Variants in AQR observed in about 807,000 individuals in gnomAD.
The protein encoded by AQR is RNA helicase aquarius.
A neutral mutation model predicts 180.5 loss-of-function variants in AQR; 61 were observed. That is an observed-to-expected ratio of 0.34 (90% CI 0.28 to 0.42). AQR has a LOEUF of 0.42. Among genes scored for constraint, AQR ranks in the 10% least tolerant of loss-of-function variants. The pLI is 1.00. For synonymous variants in AQR, 551 were observed against 588.8 expected (o/e 0.94, Z 0.93); for missense variants, 1,281 against 1,798.3 (o/e 0.71, Z 5.20).
At chr15:34,871,208 T>C (rs1892811487) in intron 30 of AQR, among the ~76,000 whole-genome samples, 2 of 152,084 alleles carry the variant, frequency 1.3e-5, no homozygotes, top group African/African-American at 2.4e-5. Context: ...AATCACAATA[T>C]AGATTAATAC....
chr15:34,914,808 C>T (rs1035134806), intron 16 of AQR, among the ~76,000 whole-genome samples: 1 of 152,174 alleles, frequency 6.6e-6, no homozygotes, highest in Non-Finnish European at 1.5e-5. Context: ...TCTCCCTTAT[C>T]CCCAGTCTCC....
intron 15 of AQR, 143 bp from the exon 16 acceptor site, chr15:34,915,322 C>T: frequency 3.7e-6 from 3 of 813,952 alleles, no homozygotes; most frequent in Non-Finnish European, 5.4e-6. Context: ...TCCTGAGTAG[C>T]TGGGATTACA....
chr15:34,886,518 T>C lies in AQR; in HGVS notation c.2817+8A>G, dbSNP rs755170642. On this transcript the variant is annotated splice_region_variant and intron_variant, in intron 25 of 34. Coordinates refer to ENST00000156471, the MANE Select transcript of AQR (RefSeq NM_014691.3). ...TGAAGTATGATTCAAAAACCCTTAA[T>C]ATCTTACCTGGTATAAGAAGAAATA... 14 of 1,597,734 alleles carry C rather than the reference T, an allele frequency of 8.8e-6. No individual in the cohort carries two copies. The highest frequency in any genetic ancestry group is 1.2e-5 in the Non-Finnish European group (14 of 1,176,060).
Position 34,904,415 on chromosome 15 carries a change from G to C in AQR, c.1922C>G (p.Thr641Ser), listed in dbSNP as rs750844019. ...CACATCCTCTGCTCCATTTTGTATAGTATTGGTCATATCTTGTTGATACTG... is the reference window on the plus strand; with the variant it reads ...CACATCCTCTGCTCCATTTTGTATACTATTGGTCATATCTTGTTGATACTG... ...PNQYQQDMTNTIQNGAEDVYE... is the reference protein window; with the variant it reads ...PNQYQQDMTNSIQNGAEDVYE... Residue 641 changes from threonine (T) to serine (S), a missense_variant, in exon 19 of 35, where the codon ACT (threonine) becomes AGT (serine). Physicochemically the swap from Thr to Ser is moderately conservative, Grantham distance 58. Around this residue, in one of 9 missense-constraint regions of AQR, gnomAD observed 200 missense variants for 293.4 expected, o/e 0.68. Transcript: ENST00000156471. The C allele has an allele frequency of 1.9e-6, 3 of 1,610,630 alleles. No homozygotes were observed. The highest frequency in any genetic ancestry group is 2.7e-5 in the African/African-American group (2 of 74,782).
chr15:34,913,789 G>A (rs978354096), intron 16 of AQR, among the ~76,000 whole-genome samples: 1 of 152,122 alleles, frequency 6.6e-6, no homozygotes, highest in South Asian at 2.1e-4. Context: ...CTCCCCTAGG[G>A]TGCAAACAAT....
At position 34,930,229 on chromosome 15, in the gene AQR, A is replaced by G. The variant is rs376173652; in HGVS notation, c.1014+29T>C. ...GCAGTATGATAAAACCTTATGGAGC[A>G]TACACAGTCTATAATGTATTTTAAT... On this transcript the variant is annotated intron_variant, in intron 12 of 34. Coordinates refer to ENST00000156471, the MANE Select transcript of AQR (RefSeq NM_014691.3). 393 of 1,390,988 alleles carry G rather than the reference A, an allele frequency of 2.8e-4. 5 individuals are homozygous for G. In the South Asian group the frequency reaches 4.3e-3, roughly 15 times the overall value. 86.2% of individuals were successfully genotyped at this position (1,390,988 alleles called of 1,614,324 possible).
rs773476613 is a variant in AQR, at chr15:34,940,925, T to G, written c.615A>C (p.Glu205Asp). 6.2e-7 allele frequency: 1 copy of G among 1,609,458 alleles called. No homozygotes were observed. The highest frequency in any genetic ancestry group is 1.1e-5 in the South Asian group (1 of 90,248). Residue 205 changes from glutamate to aspartate, a missense_variant, in exon 8 of 35, where the codon GAA becomes GAC. Around this residue, in one of 9 missense-constraint regions of AQR, gnomAD observed 404 missense variants for 490.9 expected, o/e 0.82. Transcript: ENST00000156471. ...KFWNLIKKND[E>D]KMDPEAREQA... Reference sequence around the variant, plus strand: ...GTTCTCTTGCTTCTGGATCCATCTTTTCATCATTCTTTTTAATCAAGTTCC... The same window carrying G: ...GTTCTCTTGCTTCTGGATCCATCTTGTCATCATTCTTTTTAATCAAGTTCC...
chr15:34,943,273 T>C, intron 6 of AQR: 3 of 1,594,130 alleles, frequency 1.9e-6, no homozygotes, highest in Non-Finnish European at 2.6e-6. Flanking sequence ...ACTACAAAGA[T>C]TGTGCTAAGG....
Position 34,897,559 on chromosome 15 carries a change from C to T in AQR, c.2390G>A (p.Arg797His), listed in dbSNP as rs760966520. 6.2e-7 allele frequency: 1 copy of T among 1,613,684 alleles called. No individual in the cohort carries two copies. The highest frequency in any genetic ancestry group is 8.5e-7 in the Non-Finnish European group (1 of 1,179,802). ...RGPYPYNQPK[R>H]NTIQFTHTQI... ...CAATTATAATAGGTAGTAAAATTACCGTTTGGGTTGATTATAAGGATAAGG... is the reference window on the plus strand; with the variant it reads ...CAATTATAATAGGTAGTAAAATTACTGTTTGGGTTGATTATAAGGATAAGG... The change falls in exon 21 of 35, where the codon CGT becomes CAT. Residue 797 changes from arginine to histidine, a missense_variant and splice_region_variant. Coordinates refer to ENST00000156471, the MANE Select transcript of AQR (RefSeq NM_014691.3).
chr15:34,931,384 A>G (rs1893856656), intron 11 of AQR, among the ~76,000 whole-genome samples: 1 of 152,216 alleles, frequency 6.6e-6, no homozygotes, highest in Non-Finnish European at 1.5e-5. Context: ...AAATCACTAG[A>G]CAGAAATTTA....
chr15:34,955,624 T>A (rs770549129), intron 3 of AQR, among the ~76,000 whole-genome samples: 2 of 152,052 alleles, frequency 1.3e-5, no homozygotes, highest in Non-Finnish European at 2.9e-5. Context: ...AGAAGCCAGC[T>A]ACGCCAGGCA....
intron 29 of AQR, 108 bp downstream of exon 29, chr15:34,874,569 C>T: frequency 2.2e-6 from 3 of 1,368,786 alleles, no homozygotes; most frequent in East Asian, 2.4e-5. Context: ...AGCCAAGTTC[C>T]TGGATAGCCA....
At chr15:34,922,352 G>A (rs954912532) in intron 13 of AQR, among the ~76,000 whole-genome samples, 1 of 152,052 alleles carries the variant, frequency 6.6e-6, no homozygotes, top group South Asian at 2.1e-4. Context: ...ATTTTTGTGT[G>A]AACATAAGTT....
chr15:34,923,289 C>T (rs1020366898), intron 13 of AQR, among the ~76,000 whole-genome samples: 1 of 152,114 alleles, frequency 6.6e-6, no homozygotes, highest in East Asian at 1.9e-4. Context: ...TGGAACACAT[C>T]CCCTGCGGAA....
chr15:34,944,265 C>T (rs1368045874), intron 6 of AQR, 23 bp downstream of exon 6: 4 of 1,550,536 alleles, frequency 2.6e-6, no homozygotes, highest in East Asian at 2.4e-5. Context: ...TGAAAATTAC[C>T]CCAAAATATA....
At chr15:34,954,187 G>A (rs1342130464) in intron 3 of AQR, among the ~76,000 whole-genome samples, 3 of 151,336 alleles carry the variant, frequency 2.0e-5, no homozygotes, top group Non-Finnish European at 4.4e-5. Flanking sequence ...AAAATGCTAG[G>A]ATTACAGGCG....
chr15:34,967,377 T>C (rs1163889943), intron 1 of AQR, among the ~76,000 whole-genome samples: 1 of 152,226 alleles, frequency 6.6e-6, no homozygotes, highest in Non-Finnish European at 1.5e-5. Flanking sequence ...ATTTTCCTCA[T>C]AGCATTTATC....
intron 9 of AQR, among the ~76,000 whole-genome samples, chr15:34,935,590 TGTTAA>T (rs1893932423): frequency 1.3e-5 from 2 of 152,166 alleles, no homozygotes; most frequent in Admixed American, 1.3e-4. Context: ...TATACAGAAA[TGTTAA>T]CTGGAACTTT....
At chr15:34,859,010 A>G (rs1420116001) in intron 34 of AQR, among the ~76,000 whole-genome samples, 2 of 152,254 alleles carry the variant, frequency 1.3e-5, no homozygotes, top group African/African-American at 2.4e-5. Context: ...GAGTTAGGCT[A>G]TGTATTTTTA....
Sources: gnomAD v4.1 joint callset for allele counts (sites outside exome capture counted in the v4.1 genomes callset) on GRCh38, gnomAD v4.1.1 for gene constraint, gnomAD v4.1.1 regional missense constraint, MANE v1.5 for transcripts, NCBI Gene and HGNC (gene_info 2026-07-23, HGNC 2026-07-21) for gene names.